Variants in TBCA observed in about 807,000 individuals in gnomAD.
The protein encoded by TBCA is tubulin-specific chaperone A.
In TBCA, 6 loss-of-function variants were observed where a neutral mutation model predicts 15.8. The ratio of observed to expected loss-of-function variants is 0.38; its 90% CI spans 0.21 to 0.75. TBCA has a LOEUF of 0.75. Ranked by LOEUF, TBCA falls within the 30% of genes least tolerant of loss-of-function variation. The pLI is 0.46. For missense variants in TBCA, 90 were observed against 131.2 expected (o/e 0.69, Z 1.53); for synonymous variants, 32 against 42.3 (o/e 0.76, Z 0.94).
intron 1 of TBCA, among the ~76,000 whole-genome samples, chr5:77,764,846 T>C (rs1349028754): frequency 6.6e-6 from 1 of 152,158 alleles, no homozygotes; most frequent in Non-Finnish European, 1.5e-5. Context: ...ATATAAATTC[T>C]CCATCCCAAA....
chr5:77,709,238 A>C (rs1033372768), intron 1 of TBCA, among the ~76,000 whole-genome samples: 2 of 152,224 alleles, frequency 1.3e-5, no homozygotes, highest in Admixed American at 1.3e-4. Context: ...AGTGGTGGAA[A>C]CAAACTAGTA....
At chr5:77,749,616 T>G (rs1302522246) in intron 1 of TBCA, among the ~76,000 whole-genome samples, 2 of 152,222 alleles carry the variant, frequency 1.3e-5, no homozygotes, top group African/African-American at 2.4e-5. Context: ...AGTAGAACTA[T>G]AAATAGTCAA....
chr5:77,696,529 T>C (rs545993742), intron 2 of TBCA, among the ~76,000 whole-genome samples: 5 of 152,282 alleles, frequency 3.3e-5, no homozygotes, highest in Admixed American at 6.5e-5. Flanking sequence ...GATTCATGGA[T>C]TGGACCCAAT....
intron 1 of TBCA, among the ~76,000 whole-genome samples, chr5:77,738,177 G>A (rs1044175095): frequency 3.3e-5 from 5 of 152,064 alleles, no homozygotes; most frequent in African/African-American, 1.2e-4. Flanking sequence ...GCTTTTTATT[G>A]TTATTTTCCA....
At chr5:77,707,583 T>C (rs1455736095) in intron 2 of TBCA, among the ~76,000 whole-genome samples, 2 of 152,080 alleles carry the variant, frequency 1.3e-5, no homozygotes, top group African/African-American at 4.8e-5. Context: ...GATAAGCAGA[T>C]GTAACCTCAT....
rs545124816 is a variant in TBCA at position 77,707,891 on chromosome 5, T to C, written c.159+351A>G. 5.9e-4 allele frequency among the ~76,000 whole-genome samples: 90 copies of C among 152,286 alleles called. No individual in the cohort carries two copies. The Middle Eastern group carries it at 0.014, about 23-fold the overall frequency. On this transcript the variant is annotated intron_variant, in intron 2 of 3. Coordinates refer to ENST00000380377, the MANE Select transcript of TBCA (RefSeq NM_004607.3). ...TAGCTATGCCAGGTGTGGTGGCTCA[T>C]GCCTGTAATCCCAGCACTTTAGAGA...
chr5:77,693,688 A>ACTGC (rs1745807624), intron 2 of TBCA: 1 of 239,402 alleles, frequency 4.2e-6, no homozygotes, highest in African/African-American at 2.3e-5. Context: ...AATCCCAGCT[A>ACTGC]CTCAGGAGGC....
At chr5:77,731,218 C>T (rs1000505439) in intron 1 of TBCA, among the ~76,000 whole-genome samples, 6 of 152,134 alleles carry the variant, frequency 3.9e-5, no homozygotes, top group African/African-American at 1.4e-4. Flanking sequence ...TTCATCTATG[C>T]CCATTGTATA....
chr5:77,732,550 C>CAAAAAAAA (rs35780694), intron 1 of TBCA, among the ~76,000 whole-genome samples: 2 of 89,490 alleles, frequency 2.2e-5, no homozygotes, highest in African/African-American at 9.0e-5. Context: ...GACTCTGTCT[C>CAAAAAAAA]AAAAAAAAAA....
intron 1 of TBCA, among the ~76,000 whole-genome samples, chr5:77,768,300 A>G (rs914248586): frequency 3.9e-5 from 6 of 152,246 alleles, no homozygotes; most frequent in African/African-American, 1.4e-4. Context: ...TACCTTATTT[A>G]ATTATCCTAA....
At chr5:77,719,644 A>T (rs989859242) in intron 1 of TBCA, among the ~76,000 whole-genome samples, 1 of 152,250 alleles carries the variant, frequency 6.6e-6, no homozygotes, top group East Asian at 1.9e-4. Context: ...GACATTTTAT[A>T]AACAGCTAAA....
intron 1 of TBCA, among the ~76,000 whole-genome samples, chr5:77,761,451 A>T (rs375288666): frequency 2.0e-5 from 3 of 152,160 alleles, no homozygotes; most frequent in African/African-American, 7.2e-5. Context: ...GCTCCTTAAG[A>T]GTCATCACCA....
At chr5:77,721,372 A>T (rs1746524921) in intron 1 of TBCA, among the ~76,000 whole-genome samples, 1 of 152,174 alleles carries the variant, frequency 6.6e-6, no homozygotes, top group East Asian at 1.9e-4. Context: ...TTTGTTCATT[A>T]AGTCAAAATG....
chr5:77,697,923 A>T (rs927215165), intron 2 of TBCA, among the ~76,000 whole-genome samples: 1 of 151,876 alleles, frequency 6.6e-6, no homozygotes, highest in African/African-American at 2.4e-5. Flanking sequence ...TGAGCCCAGG[A>T]ATTCGAGACC....
chr5:77,727,507 G>A (rs1411963544), intron 1 of TBCA, among the ~76,000 whole-genome samples: 1 of 151,996 alleles, frequency 6.6e-6, no homozygotes, highest in African/African-American at 2.4e-5. Flanking sequence ...ACTATAAGAA[G>A]TATAAACAGA....
At position 77,715,825 on chromosome 5, in the gene TBCA, T is replaced by C. The variant is rs375967297; in HGVS notation, c.54-7478A>G. 9.8e-5 allele frequency among the ~76,000 whole-genome samples: 15 copies of C among 152,322 alleles called. No homozygotes were observed. The East Asian group carries it at 1.5e-3, about 16-fold the overall frequency. ...TTTATAAAAATTATACCAACACCTG[T>C]GTCATTAATTCCTTCAAACAGGTAT... On this transcript the variant is annotated intron_variant, in intron 1 of 3. Transcript: ENST00000380377.
intron 1 of TBCA, among the ~76,000 whole-genome samples, chr5:77,771,108 G>GA (rs1317963518): frequency 9.2e-5 from 14 of 151,888 alleles, no homozygotes; most frequent in African/African-American, 1.9e-4. Context: ...GTGACACAGC[G>GA]AGACTCTGAC....
At chr5:77,765,881 CAAAAAAAAAAAA>C (rs70997944) in intron 1 of TBCA, among the ~76,000 whole-genome samples, 1 of 130,412 alleles carries the variant, frequency 7.7e-6, no homozygotes, top group Admixed American at 7.6e-5. Context: ...AAACTAGGGC[CAAAAAAAAAAAA>C]AAAAAAAGAA....
At chr5:77,706,543 G>A (rs543105153) in intron 2 of TBCA, among the ~76,000 whole-genome samples, 40 of 152,180 alleles carry the variant, frequency 2.6e-4, no homozygotes, top group African/African-American at 8.2e-4. Context: ...GGCTGGGTGC[G>A]GTGGCTCACC....
Sources: gnomAD v4.1 joint callset for allele counts (sites outside exome capture counted in the v4.1 genomes callset) on GRCh38, gnomAD v4.1.1 for gene constraint, MANE v1.5 for transcripts, NCBI Gene and HGNC (gene_info 2026-07-23, HGNC 2026-07-21) for gene names.